Variants in MBD5 observed in about 807,000 individuals in gnomAD.
The protein encoded by MBD5 is methyl-CpG binding domain protein 5.
In MBD5, 13 loss-of-function variants were observed where a neutral mutation model predicts 117.3. The ratio of observed to expected loss-of-function variants is 0.11; its 90% CI spans 0.07 to 0.18. MBD5 has a LOEUF of 0.18. Ranked by LOEUF, MBD5 falls within the 10% of genes least tolerant of loss-of-function variation. MBD5 has a pLI of 1.00. For synonymous variants in MBD5, 727 were observed against 766.4 expected (o/e 0.95, Z 0.85); for missense variants, 1,879 against 2,093.8 (o/e 0.90, Z 2.00).
chr2:148,427,415 A>G (rs1284804454), intron 4 of MBD5, among the ~76,000 whole-genome samples: 2 of 152,176 alleles, frequency 1.3e-5, no homozygotes, highest in Admixed American at 6.6e-5. Flanking sequence ...ATGTCCAACA[A>G]TGATAGACTG....
intron 4 of MBD5, among the ~76,000 whole-genome samples, chr2:148,431,335 A>T (rs1705977325): frequency 6.6e-6 from 1 of 152,146 alleles, no homozygotes; most frequent in African/African-American, 2.4e-5. Context: ...GAAACAACAC[A>T]ACTCATATTG....
chr2:148,374,245 A>G lies in MBD5; in HGVS notation c.-557+31909A>G, dbSNP rs548581089. ...AAACTAAATATGTTTATGCATACAC[A>G]CACACACACACACACACACACACAC... On this transcript the variant is annotated intron_variant, in intron 4 of 13. Transcript: ENST00000642680. 3.6e-5 allele frequency among the ~76,000 whole-genome samples: 4 copies of G among 112,216 alleles called. No homozygotes were observed. The East Asian group carries it at 8.0e-4, about 22-fold the overall frequency. The allele number at this position is 112,216 out of a possible 152,430, so 73.6% of individuals were successfully genotyped here.
chr2:148,435,399 C>G (rs1477887453), intron 4 of MBD5, among the ~76,000 whole-genome samples: 2 of 152,156 alleles, frequency 1.3e-5, no homozygotes, highest in South Asian at 4.2e-4. Context: ...ACAGTCTTTC[C>G]TTACCATATT....
chr2:148,440,521 G>A (rs536220355), intron 4 of MBD5, among the ~76,000 whole-genome samples: 1 of 152,206 alleles, frequency 6.6e-6, no homozygotes, highest in South Asian at 2.1e-4. Flanking sequence ...TTACCACTGG[G>A]TGATTTTAAT....
Position 148,227,007 on chromosome 2 carries a change from A to T in MBD5, c.-830-6238A>T, listed in dbSNP as rs550566825. ...TGTTTGAGTTAATTGTAGATTCTGG[A>T]TATTAGCCCTTTGTCAGATGAGTAG... is the stretch of plus-strand genomic sequence containing the variant. On this transcript the variant is annotated intron_variant, in intron 2 of 13. Transcript: ENST00000642680. 3.4e-3 allele frequency among the ~76,000 whole-genome samples: 521 copies of T among 152,140 alleles called. 2 individuals are homozygous for T. The highest frequency in any genetic ancestry group is 0.012 in the African/African-American group (505 of 41,460).
At chr2:148,252,735 A>G (rs1700496603) in intron 3 of MBD5, among the ~76,000 whole-genome samples, 1 of 152,106 alleles carries the variant, frequency 6.6e-6, no homozygotes, top group Non-Finnish European at 1.5e-5. Flanking sequence ...TTTTTTGTAG[A>G]GACAGGGTCT....
intron 1 of MBD5, chr2:148,054,479 A>G (rs1021988054): frequency 6.6e-6 from 1 of 152,206 alleles, no homozygotes; most frequent in Non-Finnish European, 1.5e-5. Context: ...CTGCTCTAGA[A>G]CAATACTTTC....
At chr2:148,152,473 A>T (rs1386213566) in intron 1 of MBD5, among the ~76,000 whole-genome samples, 1 of 151,924 alleles carries the variant, frequency 6.6e-6, no homozygotes, top group African/African-American at 2.4e-5. Context: ...TGCAGAGCTG[A>T]GTTCAATTCC....
chr2:148,202,134 T>C (rs1699160672), intron 2 of MBD5, among the ~76,000 whole-genome samples: 2 of 152,292 alleles, frequency 1.3e-5, no homozygotes, highest in East Asian at 3.9e-4. Context: ...GTGAAGGAGA[T>C]GGAGTCCTTG....
At chr2:148,167,395 G>GT (rs1473788236) in intron 1 of MBD5, among the ~76,000 whole-genome samples, 1 of 152,126 alleles carries the variant, frequency 6.6e-6, no homozygotes, top group Admixed American at 6.5e-5. Context: ...TTCTGATTCA[G>GT]TTTTTTCTGC....
At chr2:148,294,701 T>C (rs1701609049) in intron 3 of MBD5, among the ~76,000 whole-genome samples, 1 of 152,100 alleles carries the variant, frequency 6.6e-6, no homozygotes, top group Admixed American at 6.5e-5. Flanking sequence ...AGACAGGCTT[T>C]CACTATGTTG....
intron 1 of MBD5, among the ~76,000 whole-genome samples, chr2:148,154,163 G>C (rs1469701368): frequency 2.1e-5 from 3 of 145,000 alleles, no homozygotes; most frequent in African/African-American, 7.7e-5. Context: ...TAACAGACAG[G>C]ACCCTCAGCT....
In MBD5 at chr2:148,321,192, C is replaced by A. The variant is rs1188766966; in HGVS notation, c.-679-21022C>A. On this transcript the variant is annotated intron_variant, in intron 3 of 13. Coordinates refer to ENST00000642680, the MANE Select transcript of MBD5 (RefSeq NM_001378120.1). ...TAACTTAGTAAACAGTTACATTATT[C>A]CAAATTATTATAGACCAAGGGTGTC... Among the ~76,000 whole-genome samples the A allele has an allele frequency of 6.6e-5, 10 of 152,134 alleles. No individual in the cohort carries two copies. In the East Asian group the frequency reaches 1.9e-3, roughly 29 times the overall value.
chr2:148,216,338 G>A lies in MBD5; in HGVS notation c.-830-16907G>A, dbSNP rs183283400. On this transcript the variant is annotated intron_variant, in intron 2 of 13. Transcript: ENST00000642680. ...ACAGTGAGATCCATTATTTGGTATG[G>A]GGATGAGCTACGAAACTACCCCAAG... Among the ~76,000 whole-genome samples, 34 of 152,296 alleles carry A rather than the reference G, an allele frequency of 2.2e-4. 1 individual carries two copies. In the East Asian group the frequency reaches 5.4e-3, roughly 24 times the overall value.
rs367579374 is a variant in MBD5 at position 148,135,530 on chromosome 2, T to C, written c.-924-43170T>C. 7.2e-5 allele frequency among the ~76,000 whole-genome samples: 11 copies of C among 152,322 alleles called. No individual in the cohort carries two copies. The East Asian group carries it at 1.3e-3, about 19-fold the overall frequency. Reference sequence around the variant, plus strand: ...TTTGTATTGCTTGTGTTAAAAGTTTTCTTCTATCTTCTCCAGCAACTTTAT... The same window carrying C: ...TTTGTATTGCTTGTGTTAAAAGTTTCCTTCTATCTTCTCCAGCAACTTTAT... On this transcript the variant is annotated intron_variant, in intron 1 of 13. Transcript: ENST00000642680.
chr2:148,429,743 A>G (rs199884567), intron 4 of MBD5, among the ~76,000 whole-genome samples: 2 of 152,136 alleles, frequency 1.3e-5, no homozygotes, highest in Admixed American at 1.3e-4. Context: ...AACTAACACA[A>G]GAACAGAAAA....
At chr2:148,426,008 C>G (rs555816424) in intron 4 of MBD5, among the ~76,000 whole-genome samples, 45 of 152,242 alleles carry the variant, frequency 3.0e-4, no homozygotes, top group Non-Finnish European at 4.9e-4. Context: ...ACACCAATAA[C>G]AGACAAACAG....
At chr2:148,287,237 A>G (rs1701387566) in intron 3 of MBD5, among the ~76,000 whole-genome samples, 1 of 152,212 alleles carries the variant, frequency 6.6e-6, no homozygotes, top group Non-Finnish European at 1.5e-5. Flanking sequence ...CATTAACTCC[A>G]TGAAATCCCA....
chr2:148,457,854 G>T (rs905861468), intron 4 of MBD5, among the ~76,000 whole-genome samples: 1 of 152,150 alleles, frequency 6.6e-6, no homozygotes, highest in Non-Finnish European at 1.5e-5. Context: ...ACACAACTGT[G>T]TAGTTTACGG....
Sources: gnomAD v4.1 joint callset for allele counts (sites outside exome capture counted in the v4.1 genomes callset) on GRCh38, gnomAD v4.1.1 for gene constraint, MANE v1.5 for transcripts, NCBI Gene and HGNC (gene_info 2026-07-23, HGNC 2026-07-21) for gene names.